The following PRKCD variants were observed in gnomAD, a reference collection of about 807,000 sequenced individuals.
The protein encoded by PRKCD is protein kinase C delta type.
Under a neutral mutation model 82.2 loss-of-function variants are expected in PRKCD, and 20 were observed. The observed-to-expected ratio is 0.24, with a 90% CI of 0.17 to 0.35. PRKCD has a LOEUF of 0.35. Among genes scored for constraint, PRKCD ranks in the 10% least tolerant of loss-of-function variants. PRKCD has a pLI of 1.00. For synonymous variants in PRKCD, 317 were observed against 337.0 expected (o/e 0.94, Z 0.65); for missense variants, 607 against 899.0 (o/e 0.68, Z 4.15).
intron 11 of PRKCD, 38 bp downstream of exon 11, chr3:53,185,738 C>G (rs574741824): frequency 6.3e-6 from 10 of 1,593,160 alleles, no homozygotes; most frequent in Non-Finnish European, 7.7e-6. Flanking sequence ...GGTTTTTATT[C>G]CCCCTGAGGC....
intron 2 of PRKCD, 126 bp from the exon 3 acceptor site, chr3:53,178,278 T>C: frequency 1.7e-6 from 1 of 580,590 alleles, no homozygotes; most frequent in Admixed American, 3.0e-5. Flanking sequence ...GACTAGTGTG[T>C]GTGTGCATCA....
chr3:53,183,009 A>G, intron 7 of PRKCD, 112 bp from the exon 8 acceptor site: 1 of 1,054,334 alleles, frequency 9.5e-7, no homozygotes, highest in South Asian at 1.4e-5. Context: ...GTGGGCGGTC[A>G]GGAGAACGGT....
rs527932132 is a variant in PRKCD at position 53,178,441 on chromosome 3, A to C, written c.19A>C (p.Ile7Leu). 1.2e-6 allele frequency: 2 copies of C among 1,612,278 alleles called. No homozygotes were observed. Among genetic ancestry groups the C allele is most frequent in the African/African-American group, 2.7e-5 (2 of 75,004 alleles). The change falls in exon 3 of 19, where the codon ATC becomes CTC. Residue 7 changes from isoleucine to leucine, a missense_variant. Ile to Leu is a conservative substitution (Grantham distance 5). This residue lies in a region of PRKCD where 161 missense variants were observed against 227.0 expected (regional missense o/e 0.71). Coordinates refer to ENST00000330452, the MANE Select transcript of PRKCD (RefSeq NM_006254.4). ...CCCCACCATGGCGCCGTTCCTGCGC[A>C]TCGCCTTCAACTCCTATGAGCTGGG... MAPFLRIAFNSYELGSL... is the reference protein window; with the variant it reads MAPFLRLAFNSYELGSL...
At chr3:53,182,022 A>G in intron 7 of PRKCD, 1 of 604,810 alleles carries the variant, frequency 1.7e-6, no homozygotes, top group Non-Finnish European at 3.1e-6. Flanking sequence ...GCCATGCACC[A>G]GGCCTCTTTT....
At chr3:53,170,457 G>C (rs1702982341) in intron 2 of PRKCD, among the ~76,000 whole-genome samples, 1 of 152,222 alleles carries the variant, frequency 6.6e-6, no homozygotes, top group East Asian at 1.9e-4. Context: ...TGCGCGCCAG[G>C]CCTGTGACTG....
chr3:53,172,538 T>C (rs1235804787), intron 2 of PRKCD, among the ~76,000 whole-genome samples: 7 of 152,228 alleles, frequency 4.6e-5, no homozygotes, highest in African/African-American at 1.7e-4. Flanking sequence ...AGGCAGAGTC[T>C]GCATCCTTAG....
chr3:53,178,045 A>G (rs1703277293), intron 2 of PRKCD, among the ~76,000 whole-genome samples: 1 of 148,876 alleles, frequency 6.7e-6, no homozygotes. Context: ...TCCCGGGTTC[A>G]AGTGATTCTC....
chr3:53,165,517 T>G (rs548746434), intron 2 of PRKCD, among the ~76,000 whole-genome samples: 14 of 152,332 alleles, frequency 9.2e-5, no homozygotes, highest in Admixed American at 7.8e-4. Context: ...TTTGGTCAGT[T>G]AGAGAGGGTG....
chr3:53,170,864 A>G (rs1377867721), intron 2 of PRKCD, among the ~76,000 whole-genome samples: 1 of 151,672 alleles, frequency 6.6e-6, no homozygotes, highest in East Asian at 1.9e-4. Context: ...TGTGGAGCCT[A>G]TGTGGTCGGG....
In PRKCD at chr3:53,162,131, C is replaced by T. The variant is rs1256043468; in HGVS notation, c.-132+703C>T. The stretch of plus-strand genomic sequence containing the variant: ...CTGGGCTGGGCGTGGCTCCAGTCTC[C>T]ACCATCCCCCTTCCCACCCCACCCC... On this transcript the variant is annotated intron_variant, in intron 1 of 18. Transcript: ENST00000330452. 4.6e-5 allele frequency among the ~76,000 whole-genome samples: 7 copies of T among 152,068 alleles called. 1 individual carries two copies. In the East Asian group the frequency reaches 1.4e-3, roughly 30 times the overall value.
In PRKCD at chr3:53,187,412, T is replaced by TGAGGGCAGCGGGGGC; in HGVS notation, c.1415+11_1415+25dup. ...AGGGCATCATTTACAGGTGCGGGGGTGAGGGCAGCGGGGGCTCTTGGGAGG... is the reference window on the plus strand; with the variant it reads ...AGGGCATCATTTACAGGTGCGGGGGTGAGGGCAGCGGGGGCGAGGGCAGCGGGGGCTCTTGGGAGG... On this transcript the variant is annotated intron_variant, in intron 15 of 18. Coordinates refer to ENST00000330452, the MANE Select transcript of PRKCD (RefSeq NM_006254.4). 1.9e-6 allele frequency: 3 copies of TGAGGGCAGCGGGGGC among 1,613,240 alleles called. No individual in the cohort carries two copies.
intron 1 of PRKCD, among the ~76,000 whole-genome samples, chr3:53,162,270 CGG>C (rs550105739): frequency 0.024 from 3,521 of 147,898 alleles, 160 homozygotes; most frequent in African/African-American, 0.083. Flanking sequence ...GGGAGGAGGT[CGG>C]GGGGGGGGGT....
chr3:53,168,308 C>T (rs933997046), intron 2 of PRKCD, among the ~76,000 whole-genome samples: 13 of 152,298 alleles, frequency 8.5e-5, no homozygotes, highest in Middle Eastern at 3.4e-3. Context: ...CCCAGGGACA[C>T]GAAGAAGGTC....
Position 53,181,835 on chromosome 3 carries a change from T to C in PRKCD, c.571+103T>C, listed in dbSNP as rs1201628894. ...TGCCTGTGTGCGCTCAGAGAGTGTA[T>C]GCACGTGAGTTTTCCCAGTGTAGAT... On this transcript the variant is annotated intron_variant, in intron 7 of 18. Coordinates refer to ENST00000330452, the MANE Select transcript of PRKCD (RefSeq NM_006254.4). 4 of 1,533,462 alleles carry C rather than the reference T, an allele frequency of 2.6e-6. No homozygotes were observed. In the East Asian group the frequency reaches 6.9e-5, roughly 26 times the overall value. 95.0% of individuals were successfully genotyped at this position (1,533,462 alleles called of 1,614,324 possible). A position where few individuals can be genotyped will look rare whatever the true frequency, so the allele number is the denominator to read the frequency against.
At chr3:53,165,765 C>A (rs1181435905) in intron 2 of PRKCD, among the ~76,000 whole-genome samples, 2 of 152,244 alleles carry the variant, frequency 1.3e-5, no homozygotes, top group Non-Finnish European at 2.9e-5. Flanking sequence ...GGCTCAGTCC[C>A]TCTCTTCAGC....
chr3:53,167,752 T>C (rs1227156461), intron 2 of PRKCD, among the ~76,000 whole-genome samples: 1 of 152,242 alleles, frequency 6.6e-6, no homozygotes, highest in East Asian at 1.9e-4. Context: ...GGGGGTATTA[T>C]TATCTGATGG....
At chr3:53,181,341 C>T (rs1703432457) in intron 5 of PRKCD, 74 bp downstream of exon 5, 25 of 1,606,788 alleles carry the variant, frequency 1.6e-5, no homozygotes, top group Non-Finnish European at 2.0e-5. Flanking sequence ...TGTAGGGAAG[C>T]TGCTCCCTTC....
In PRKCD at chr3:53,182,987, C is replaced by G. The variant is rs923875489; in HGVS notation, c.572-134C>G. On this transcript the variant is annotated intron_variant, in intron 7 of 18. Transcript: ENST00000330452. ...GGAAGACTCAAGCGCTGGGCCTCTG[C>G]GGGGTGAGGGTGTGGGCGGTCAGGA... 3 of 822,262 alleles carry G rather than the reference C, an allele frequency of 3.6e-6. No individual in the cohort carries two copies. In the African/African-American group the frequency reaches 5.1e-5, roughly 14 times the overall value. The allele number at this position is 822,262 out of a possible 1,614,324, so 50.9% of individuals were successfully genotyped here. A position where few individuals can be genotyped will look rare whatever the true frequency, so the allele number is the denominator to read the frequency against.
intron 8 of PRKCD, 23 bp from the exon 9 acceptor site, chr3:53,183,429 G>A (rs553028503): frequency 6.2e-7 from 1 of 1,613,464 alleles, no homozygotes; most frequent in Non-Finnish European, 8.5e-7. Flanking sequence ...GTGACCCTCA[G>A]CCTGTGATAC....
Sources: allele counts gnomAD v4.1 joint callset (sites outside exome capture counted in the v4.1 genomes callset), GRCh38; gene constraint gnomAD v4.1.1; regional missense constraint gnomAD v4.1.1; transcripts MANE v1.5; gene names NCBI Gene and HGNC (gene_info 2026-07-23, HGNC 2026-07-21).